Variants in AGBL1 observed in about 807,000 individuals in gnomAD.
The protein encoded by AGBL1 is cytosolic carboxypeptidase 4.
AGBL1 carries 130 observed loss-of-function variants against 118.9 expected under a neutral mutation model. The ratio of observed to expected loss-of-function variants is 1.09; its 90% CI spans 0.95 to 1.26. The LOEUF (loss-of-function observed/expected upper bound fraction) is 1.26. Among genes scored for constraint, AGBL1 ranks in the 50% most tolerant of loss-of-function variants. The probability of loss-of-function intolerance (pLI) is 0.00; values close to 1 mark genes in which losing one functional copy is unlikely to be tolerated. For synonymous variants in AGBL1, 555 were observed against 478.9 expected (o/e 1.16, Z -2.08); for missense variants, 1,584 against 1,298.1 (o/e 1.22, Z -3.38).
At chr15:86,661,675 G>T (rs889682830) in intron 21 of AGBL1, among the ~76,000 whole-genome samples, 3 of 152,046 alleles carry the variant, frequency 2.0e-5, no homozygotes, top group African/African-American at 4.8e-5. Flanking sequence ...GTGAAACCCA[G>T]TTAAAAGCCT....
chr15:86,765,936 C>A (rs1255626232), intron 22 of AGBL1, among the ~76,000 whole-genome samples: 1 of 151,884 alleles, frequency 6.6e-6, no homozygotes, highest in Admixed American at 6.6e-5. Context: ...GTTTAGTCAG[C>A]AACTATTTTC....
rs73449588 is a variant in AGBL1, at chr15:86,267,169, A to G, written c.1838+93A>G. The G allele has an allele frequency of 1.4e-3, 1,424 of 986,394 alleles. 14 individuals carry two copies. In the African/African-American group the frequency reaches 0.021, roughly 14 times the overall value. The allele number at this position is 986,394 out of a possible 1,614,324, so 61.1% of individuals were successfully genotyped here. ...CCCATGCTCTGTTCAGTGACCTTGC[A>G]TTGGTGGCTTGAAATCAGCCATGGT... On this transcript the variant is annotated intron_variant, in intron 13 of 22. Transcript: ENST00000614907.
chr15:86,091,483 A>G (rs142700892), intron 1 of AGBL1, among the ~76,000 whole-genome samples: 3,677 of 152,338 alleles, frequency 0.024, 63 homozygotes, highest in Non-Finnish European at 0.037. Context: ...AGCTATGCCT[A>G]TGCATTTCTG....
chr15:86,992,967 G>A (rs2081348233), intron 24 of AGBL1, among the ~76,000 whole-genome samples: 2 of 152,042 alleles, frequency 1.3e-5, no homozygotes, highest in Admixed American at 1.3e-4. Flanking sequence ...TCTCCAGTGT[G>A]GTGAGTGTGT....
intron 17 of AGBL1, among the ~76,000 whole-genome samples, chr15:86,298,257 A>ATATATATATATATATATGGTAAC (rs2079681355): frequency 1.1e-5 from 1 of 94,792 alleles, no homozygotes; most frequent in African/African-American, 4.7e-5. Flanking sequence ...ATATATATAT[A>ATATATATATATATATATGGTAAC]TATATATATA....
chr15:86,268,065 G>T (rs544430772), intron 13 of AGBL1, among the ~76,000 whole-genome samples: 1 of 152,180 alleles, frequency 6.6e-6, no homozygotes, highest in Non-Finnish European at 1.5e-5. Flanking sequence ...AGTACCTGGC[G>T]CATGGTCAGC....
intron 23 of AGBL1, among the ~76,000 whole-genome samples, chr15:86,955,081 C>T (rs559743029): frequency 7.2e-5 from 11 of 152,098 alleles, no homozygotes; most frequent in South Asian, 4.1e-4. Flanking sequence ...CTATGGCTGT[C>T]GTACATTTCA....
At chr15:86,640,934 T>C (rs2085179317) in intron 21 of AGBL1, among the ~76,000 whole-genome samples, 1 of 148,618 alleles carries the variant, frequency 6.7e-6, no homozygotes, top group Non-Finnish European at 1.5e-5. Flanking sequence ...ATATTCACAC[T>C]TAGTTTTGTT....
intron 17 of AGBL1, among the ~76,000 whole-genome samples, chr15:86,362,203 C>A (rs960700300): frequency 6.7e-6 from 1 of 148,708 alleles, no homozygotes; most frequent in African/African-American, 2.5e-5. Flanking sequence ...TACTCTCTCA[C>A]ACATTTTATG....
chr15:86,255,471 C>T (rs1034119466), intron 7 of AGBL1, among the ~76,000 whole-genome samples: 3 of 152,166 alleles, frequency 2.0e-5, no homozygotes, highest in Non-Finnish European at 4.4e-5. Context: ...TGCATTAAGA[C>T]ATTTCATTTT....
chr15:86,140,557 G>T (rs1174811954), intron 1 of AGBL1, among the ~76,000 whole-genome samples: 1 of 152,136 alleles, frequency 6.6e-6, no homozygotes, highest in East Asian at 1.9e-4. Context: ...ATACCTAGTG[G>T]GGGTGGAGTG....
At chr15:86,686,835 C>T (rs570193857) in intron 22 of AGBL1, among the ~76,000 whole-genome samples, 183 of 152,188 alleles carry the variant, frequency 1.2e-3, no homozygotes, top group African/African-American at 4.2e-3. Flanking sequence ...AGAGATGAAA[C>T]TGAGGCACAG....
intron 22 of AGBL1, among the ~76,000 whole-genome samples, chr15:86,893,594 G>C (rs2080082313): frequency 6.6e-6 from 1 of 152,180 alleles, no homozygotes; most frequent in Non-Finnish European, 1.5e-5. Flanking sequence ...TTGCTGTATA[G>C]GCTGGCTTGG....
chr15:86,326,306 C>G (rs903904659), intron 17 of AGBL1, among the ~76,000 whole-genome samples: 2 of 152,168 alleles, frequency 1.3e-5, no homozygotes, highest in Admixed American at 1.3e-4. Flanking sequence ...TCAGTCTACA[C>G]TAGCCATGAG....
At chr15:86,560,757 CA>C (rs1322706579) in intron 21 of AGBL1, among the ~76,000 whole-genome samples, 1 of 152,212 alleles carries the variant, frequency 6.6e-6, no homozygotes, top group Non-Finnish European at 1.5e-5. Flanking sequence ...GTCCCACCAA[CA>C]GTGTAAAACA....
At chr15:86,232,720 C>T (rs1334030745) in intron 6 of AGBL1, among the ~76,000 whole-genome samples, 2 of 152,168 alleles carry the variant, frequency 1.3e-5, no homozygotes, top group Non-Finnish European at 2.9e-5. Flanking sequence ...CTTGTAGTTA[C>T]GTCTCCCCAT....
At chr15:86,843,947 A>T (rs2079283343) in intron 22 of AGBL1, among the ~76,000 whole-genome samples, 2 of 151,850 alleles carry the variant, frequency 1.3e-5, no homozygotes, top group South Asian at 4.2e-4. Flanking sequence ...TTTCTTACAG[A>T]TTTTCTTTTC....
At chr15:86,946,853 A>AAC (rs1596662513) in intron 23 of AGBL1, among the ~76,000 whole-genome samples, 1 of 146,226 alleles carries the variant, frequency 6.8e-6, no homozygotes, top group East Asian at 1.9e-4. Context: ...CAAAAAAAAA[A>AAC]AAAAAAAACA....
At chr15:86,628,657 G>T (rs1207044307) in intron 21 of AGBL1, among the ~76,000 whole-genome samples, 1 of 151,976 alleles carries the variant, frequency 6.6e-6, no homozygotes, top group Non-Finnish European at 1.5e-5. Flanking sequence ...TTAGCCAGGC[G>T]TGGTGGTGGG....
Sources: gnomAD v4.1 joint callset for allele counts (sites outside exome capture counted in the v4.1 genomes callset) on GRCh38, gnomAD v4.1.1 for gene constraint, MANE v1.5 for transcripts, NCBI Gene and HGNC (gene_info 2026-07-23, HGNC 2026-07-21) for gene names.